Variants in ULK2 observed in about 807,000 individuals in gnomAD.
The protein encoded by ULK2 is serine/threonine-protein kinase ULK2.
In ULK2, 76 loss-of-function variants were observed where a neutral mutation model predicts 127.5. The ratio of observed to expected loss-of-function variants is 0.60; its 90% CI spans 0.50 to 0.72. The LOEUF is 0.72. ULK2 is among the 30% of genes least tolerant of loss of function. The probability of loss-of-function intolerance (pLI) is 0.00; values close to 1 mark genes in which losing one functional copy is unlikely to be tolerated. For missense variants in ULK2, 1,144 were observed against 1,295.9 expected, an observed-to-expected ratio of 0.88 and a Z score of 1.80; for synonymous variants, 452 against 461.9, an observed-to-expected ratio of 0.98 and a Z score of 0.28.
At chr17:19,842,190 CTTTTTTTTTT>C (rs869294657) in intron 8 of ULK2, among the ~76,000 whole-genome samples, 2 of 88,396 alleles carry the variant, frequency 2.3e-5, no homozygotes, top group Non-Finnish European at 4.4e-5. Flanking sequence ...TTTTCTTTTT[CTTTTTTTTTT>C]TTTTTTTTTT....
intron 10 of ULK2, among the ~76,000 whole-genome samples, chr17:19,835,750 G>A (rs2041580091): frequency 6.8e-6 from 1 of 148,014 alleles, no homozygotes; most frequent in Non-Finnish European, 1.5e-5. Flanking sequence ...AATCCCTAGA[G>A]CAATCATTAA....
At chr17:19,863,266 C>T (rs1254665277) in intron 3 of ULK2, among the ~76,000 whole-genome samples, 1 of 151,256 alleles carries the variant, frequency 6.6e-6, no homozygotes, top group African/African-American at 2.4e-5. Context: ...CAAGTGAATA[C>T]AGAAGAGGTT....
chr17:19,846,905 C>G lies in ULK2; in HGVS notation c.301G>C (p.Gly101Arg). ...CTGATCGTGTCTTCACTGAGAGTCCCTTTCGCTGGTACAAAAGGAGTCACG... is the reference window on the plus strand; with the variant it reads ...CTGATCGTGTCTTCACTGAGAGTCCGTTTCGCTGGTACAAAAGGAGTCACG... ...GDLADYLQAKGTLSEDTIRVF... is the reference protein window; with the variant it reads ...GDLADYLQAKRTLSEDTIRVF... Residue 101 changes from glycine (G) to arginine (R), a missense_variant, in exon 6 of 27, where the codon GGG (glycine) becomes CGG (arginine). This residue lies in a region of ULK2 where 231 missense variants were observed against 325.4 expected (regional missense o/e 0.71). Transcript: ENST00000395544. The G allele has an allele frequency of 1.9e-6, 3 of 1,606,896 alleles. No homozygotes were observed. The highest frequency in any genetic ancestry group is 2.5e-6 in the Non-Finnish European group (3 of 1,177,078).
At chr17:19,791,753 G>T (rs960255205) in intron 20 of ULK2, among the ~76,000 whole-genome samples, 3 of 150,912 alleles carry the variant, frequency 2.0e-5, no homozygotes, top group Admixed American at 6.6e-5. Flanking sequence ...AGCAACGAGG[G>T]AGGCTGAGGC....
intron 13 of ULK2, among the ~76,000 whole-genome samples, chr17:19,812,706 C>G (rs905387255): frequency 1.2e-4 from 19 of 152,182 alleles, no homozygotes; most frequent in African/African-American, 4.6e-4. Context: ...GGGATGGTTT[C>G]TACTGAATGC....
At chr17:19,819,678 C>A (rs1008804182) in intron 12 of ULK2, among the ~76,000 whole-genome samples, 2 of 152,166 alleles carry the variant, frequency 1.3e-5, no homozygotes, top group African/African-American at 4.8e-5. Context: ...CACTGCTCCC[C>A]AAGTTCCCTC....
Position 19,777,665 on chromosome 17 carries a change from AAAC to A in ULK2, c.2965_2967del (p.Val989del). ...AGAAGGGCTGCCTTATGATAGCGAT[AAAC>A]AATATCTTCGGTCTGCTGAAACATC... is the stretch of plus-strand genomic sequence containing the variant. On this transcript the variant is annotated inframe_deletion, in exon 26 of 27. Transcript: ENST00000395544. The A allele has an allele frequency of 6.2e-7, 1 of 1,614,146 alleles. No individual in the cohort carries two copies. The highest frequency in any genetic ancestry group is 8.5e-7 in the Non-Finnish European group (1 of 1,180,034).
At chr17:19,778,901 G>A (rs1024224633) in intron 25 of ULK2, among the ~76,000 whole-genome samples, 6 of 152,142 alleles carry the variant, frequency 3.9e-5, no homozygotes, top group Non-Finnish European at 8.8e-5. Flanking sequence ...CAGGACGAAC[G>A]GAGGAATTTA....
At position 19,849,744 on chromosome 17, in the gene ULK2, C is replaced by G; in HGVS notation, c.256G>C (p.Glu86Gln). 4 of 1,542,762 alleles carry G rather than the reference C, an allele frequency of 2.6e-6. No individual in the cohort carries two copies. The highest frequency in any genetic ancestry group is 3.5e-6 in the Non-Finnish European group (4 of 1,142,986). Residue 86 changes from glutamate (E) to glutamine (Q), a missense_variant and splice_region_variant, in exon 4 of 27, where the codon GAG becomes CAG. Coordinates refer to ENST00000395544, the MANE Select transcript of ULK2 (RefSeq NM_014683.4). ...ELPNSVFLVM[E>Q]YCNGGDLADY... ...ACAGAAGTTTGTATACTACCTACCT[C>G]CATCACCAAAAAGACAGAGTTGGGT... is the stretch of plus-strand genomic sequence containing the variant.
chr17:19,825,806 G>C (rs1473720821), intron 11 of ULK2, among the ~76,000 whole-genome samples: 2 of 151,012 alleles, frequency 1.3e-5, no homozygotes, highest in East Asian at 3.9e-4. Context: ...GACCAACATG[G>C]AGAAACCCCA....
intron 22 of ULK2, 144 bp downstream of exon 22, chr17:19,783,553 C>A (rs1184022075): frequency 3.9e-6 from 3 of 776,754 alleles, no homozygotes; most frequent in Admixed American, 3.5e-5. Flanking sequence ...TTTAAAAAGA[C>A]ATCAGCAATA....
At chr17:19,848,600 A>G (rs1159586008) in intron 5 of ULK2, among the ~76,000 whole-genome samples, 2 of 152,152 alleles carry the variant, frequency 1.3e-5, no homozygotes, top group Admixed American at 6.5e-5. Flanking sequence ...AACATGGTGA[A>G]ACCCTGTCTC....
chr17:19,782,627 C>G (rs2086943488), intron 22 of ULK2, among the ~76,000 whole-genome samples: 1 of 152,160 alleles, frequency 6.6e-6, no homozygotes, highest in Non-Finnish European at 1.5e-5. Context: ...TAAAAATGGG[C>G]ATTCTAGGCC....
At chr17:19,850,608 C>T (rs997031244) in intron 3 of ULK2, among the ~76,000 whole-genome samples, 3 of 152,148 alleles carry the variant, frequency 2.0e-5, no homozygotes, top group Non-Finnish European at 2.9e-5. Context: ...AGGCGGATCA[C>T]GAGGCCAGGA....
intron 22 of ULK2, among the ~76,000 whole-genome samples, chr17:19,783,347 G>A (rs961355344): frequency 1.3e-5 from 2 of 152,062 alleles, no homozygotes; most frequent in Non-Finnish European, 2.9e-5. Context: ...GCTACTCGTG[G>A]GGGCTGAGGC....
At position 19,830,738 on chromosome 17, in the gene ULK2, C is replaced by T. The variant is rs1348575810; in HGVS notation, c.788-4552G>A. On this transcript the variant is annotated intron_variant, in intron 10 of 26. Coordinates refer to ENST00000395544, the MANE Select transcript of ULK2 (RefSeq NM_014683.4). ...CTCTGTTTTCGCACACTATAAAGAA[C>T]TACTTGAGGCTGGGCGCAGTGGCTC... Among the ~76,000 whole-genome samples the T allele has an allele frequency of 5.3e-5, 8 of 151,744 alleles. No individual in the cohort carries two copies. In the East Asian group the frequency reaches 9.7e-4, roughly 18 times the overall value.
intron 22 of ULK2, 102 bp from the exon 23 acceptor site, chr17:19,782,169 A>C: frequency 8.4e-7 from 1 of 1,189,294 alleles, no homozygotes; most frequent in South Asian, 1.6e-5. Context: ...TTCTATACTT[A>C]TGAGTATCAG....
intron 23 of ULK2, among the ~76,000 whole-genome samples, chr17:19,781,445 A>G (rs1040525429): frequency 2.0e-5 from 3 of 151,868 alleles, no homozygotes; most frequent in Non-Finnish European, 4.4e-5. Context: ...ACAGGGATTC[A>G]TCATATTGCC....
chr17:19,825,133 G>T lies in ULK2; in HGVS notation c.885C>A (p.Ser295=). 6.2e-7 allele frequency: 1 copy of T among 1,614,186 alleles called. No individual in the cohort carries two copies. Among genetic ancestry groups the T allele is most frequent in the Non-Finnish European group, 8.5e-7 (1 of 1,180,042 alleles). ...PMYSGSVSGS[S]CGSSPSCRFA... ...AACGACAAGATGGAGAGCTGCCACAGGAGCTTCCAGAGACAGAACCAGAAT... is the reference window on the plus strand; with the variant it reads ...AACGACAAGATGGAGAGCTGCCACATGAGCTTCCAGAGACAGAACCAGAAT... Residue 295 remains serine, a synonymous_variant, in exon 12 of 27, where the codon TCC becomes TCA. Coordinates refer to ENST00000395544, the MANE Select transcript of ULK2 (RefSeq NM_014683.4).
Sources: gnomAD v4.1 joint callset for allele counts (sites outside exome capture counted in the v4.1 genomes callset) on GRCh38, gnomAD v4.1.1 for gene constraint, gnomAD v4.1.1 regional missense constraint, MANE v1.5 for transcripts, NCBI Gene and HGNC (gene_info 2026-07-23, HGNC 2026-07-21) for gene names.